The following STIM2 variants were observed in gnomAD, a reference collection of about 807,000 sequenced individuals.
STIM2 encodes stromal interaction molecule 2.
In STIM2, 31 loss-of-function variants were observed where a neutral mutation model predicts 85.8. The ratio of observed to expected loss-of-function variants is 0.36; its 90% CI spans 0.27 to 0.49. The LOEUF (loss-of-function observed/expected upper bound fraction) is 0.49, where lower values mean the gene tolerates loss of function less well. STIM2 is among the 20% of genes least tolerant of loss of function. The pLI is 0.98. For synonymous variants in STIM2, 356 were observed against 331.1 expected (o/e 1.08, Z -0.82); for missense variants, 841 against 927.6 (o/e 0.91, Z 1.21).
At chr4:26,950,065 C>T (rs2109087870) in intron 2 of STIM2, among the ~76,000 whole-genome samples, 1 of 152,242 alleles carries the variant, frequency 6.6e-6, no homozygotes, top group East Asian at 1.9e-4. Context: ...GTGATGGATA[C>T]TAGAAATAAT....
chr4:27,021,946 T>G (rs1303880511), intron 11 of STIM2, among the ~76,000 whole-genome samples: 1 of 152,186 alleles, frequency 6.6e-6, no homozygotes, highest in Non-Finnish European at 1.5e-5. Flanking sequence ...GTCTGTTTTT[T>G]TTAAAAATAG....
chr4:26,907,086 G>A (rs899369613), intron 1 of STIM2, among the ~76,000 whole-genome samples: 1 of 152,096 alleles, frequency 6.6e-6, no homozygotes, highest in South Asian at 2.1e-4. Context: ...GTAAGTGCGG[G>A]TATCTTCCTA....
chr4:26,975,752 C>A (rs547184380), intron 3 of STIM2, among the ~76,000 whole-genome samples: 40 of 152,342 alleles, frequency 2.6e-4, no homozygotes, highest in Non-Finnish European at 2.8e-4. Flanking sequence ...AGAGCTCAGA[C>A]GCTGTGCTGG....
chr4:26,979,839 T>C (rs1275094037), intron 3 of STIM2, among the ~76,000 whole-genome samples: 2 of 152,236 alleles, frequency 1.3e-5, no homozygotes, highest in East Asian at 3.8e-4. Flanking sequence ...TATTGTGCTG[T>C]CTTCATTTTC....
intron 3 of STIM2, among the ~76,000 whole-genome samples, chr4:26,977,978 A>G (rs1560227519): frequency 6.6e-6 from 1 of 152,210 alleles, no homozygotes; most frequent in Non-Finnish European, 1.5e-5. Context: ...CATGTTCCAG[A>G]AATCTGAATA....
At chr4:26,916,068 C>G (rs984370664) in intron 1 of STIM2, among the ~76,000 whole-genome samples, 1 of 152,032 alleles carries the variant, frequency 6.6e-6, no homozygotes, top group Non-Finnish European at 1.5e-5. Flanking sequence ...AGGCACAGAC[C>G]TTTTTTAGCA....
intron 4 of STIM2, 27 bp from the exon 5 acceptor site, chr4:26,999,205 A>ATG (rs750990234): frequency 7.6e-6 from 8 of 1,052,992 alleles, no homozygotes; most frequent in East Asian, 2.7e-5. Context: ...ATATATATAT[A>ATG]TGTGTGTGTG....
chr4:26,880,643 G>GTAAATATATATA (rs1405360128), intron 1 of STIM2, among the ~76,000 whole-genome samples: 40 of 144,888 alleles, frequency 2.8e-4, no homozygotes, highest in Non-Finnish European at 1.1e-4. Context: ...AAATATATAT[G>GTAAATATATATA]TAAATATATA....
At chr4:26,973,687 T>A (rs1054321207) in intron 3 of STIM2, among the ~76,000 whole-genome samples, 1 of 152,302 alleles carries the variant, frequency 6.6e-6, no homozygotes, top group Non-Finnish European at 1.5e-5. Flanking sequence ...ATAAGTGCGA[T>A]GTGGTGCTGA....
chr4:26,974,675 T>C (rs2109107720), intron 3 of STIM2, among the ~76,000 whole-genome samples: 1 of 152,338 alleles, frequency 6.6e-6, no homozygotes, highest in Admixed American at 6.5e-5. Flanking sequence ...TAACATTTTT[T>C]CCTTCATTTC....
rs572161841 is a variant in STIM2 at position 26,861,414 on chromosome 4, G to GACCTCT, written c.151+45_151+46insACCTCT. 7.9e-3 allele frequency: 10,080 copies of GACCTCT among 1,281,934 alleles called. 82 individuals carry two copies. The highest frequency in any genetic ancestry group is 0.037 in the East Asian group (1,163 of 31,250). 79.4% of individuals were successfully genotyped at this position (1,281,934 alleles called of 1,614,324 possible). A position where few individuals can be genotyped will look rare whatever the true frequency, so the allele number is the denominator to read the frequency against. On this transcript the variant is annotated intron_variant, in intron 1 of 11. Transcript: ENST00000467087. ...CGGGCGGGGCTCGGCCGGCAGCGATGGGACCCCCAACCCGTGCAGAGGTCA... is the reference window on the plus strand; with the variant it reads ...CGGGCGGGGCTCGGCCGGCAGCGATGACCTCTGGACCCCCAACCCGTGCAGAGGTCA...
intron 9 of STIM2, 46 bp downstream of exon 9, chr4:27,008,574 T>G: frequency 7.4e-7 from 1 of 1,355,206 alleles, no homozygotes; most frequent in Non-Finnish European, 1.0e-6. Flanking sequence ...TTTATTGTGT[T>G]AAAATGAGTA....
At chr4:26,974,931 C>T (rs886555149) in intron 3 of STIM2, among the ~76,000 whole-genome samples, 1 of 152,032 alleles carries the variant, frequency 6.6e-6, no homozygotes, top group South Asian at 2.1e-4. Flanking sequence ...AGGCTTTGTT[C>T]GTTTCTTTTT....
At position 26,882,457 on chromosome 4, in the gene STIM2, T is replaced by TTTC. The variant is rs1560193288; in HGVS notation, c.151+21090_151+21091insCTT. On this transcript the variant is annotated intron_variant, in intron 1 of 11. Transcript: ENST00000467087. ...CTTAAATTTCTTTCTTTCTTTCTTTTTTTTTGTTTTTGTTTTTTGAGACAG... is the reference window on the plus strand; with the variant it reads ...CTTAAATTTCTTTCTTTCTTTCTTTTTTCTTTTTGTTTTTGTTTTTTGAGACAG... Among the ~76,000 whole-genome samples the TTTC allele has an allele frequency of 1.5e-4, 10 of 64,624 alleles. No individual in the cohort carries two copies. The East Asian group carries it at 3.7e-3, about 24-fold the overall frequency. The allele number at this position is 64,624 out of a possible 152,430, so 42.4% of individuals were successfully genotyped here.
chr4:26,883,809 T>TA (rs1201366475), intron 1 of STIM2, among the ~76,000 whole-genome samples: 10 of 152,336 alleles, frequency 6.6e-5, no homozygotes, highest in African/African-American at 2.4e-4. Context: ...TGTACAGTGT[T>TA]AGAGTGTGTA....
rs748494694 is a variant in STIM2, at chr4:27,017,748, C to T, written c.1527C>T (p.Ser509=). 2.9e-5 allele frequency: 47 copies of T among 1,614,020 alleles called. No individual in the cohort carries two copies. In the African/African-American group the frequency reaches 6.1e-4, roughly 21 times the overall value. Residue 509 remains serine, a synonymous_variant, in exon 11 of 12, where the codon AGC becomes AGT. Transcript: ENST00000467087. The stretch of plus-strand genomic sequence containing the variant: ...AACCTCCTGGATCATTAGCCAGAAG[C>T]AGCAGCCTGTGCCGTTCACGCCGCA...
chr4:26,919,068 C>T (rs534720785), intron 1 of STIM2, among the ~76,000 whole-genome samples: 1 of 150,292 alleles, frequency 6.7e-6, no homozygotes, highest in Non-Finnish European at 1.5e-5. Context: ...TTCTAGGACT[C>T]ATTTTGATTA....
intron 2 of STIM2, among the ~76,000 whole-genome samples, chr4:26,946,184 A>G (rs1226103083): frequency 1.3e-5 from 2 of 152,188 alleles, no homozygotes; most frequent in Non-Finnish European, 2.9e-5. Flanking sequence ...GATTATTGGG[A>G]ATATTAAAGT....
rs1403740350 is a variant in STIM2 at position 26,947,743 on chromosome 4, G to A, written c.283-9869G>A. On this transcript the variant is annotated intron_variant, in intron 2 of 11. Transcript: ENST00000467087. The stretch of plus-strand genomic sequence containing the variant: ...GGGCTCTGCTTTGGCACTGCCCCAC[G>A]GAAGCCACGGCCTCTTCATTCTGTT... Among the ~76,000 whole-genome samples the A allele has an allele frequency of 3.3e-5, 5 of 152,266 alleles. No individual in the cohort carries two copies. In the South Asian group the frequency reaches 8.3e-4, roughly 25 times the overall value.
Sources: gnomAD v4.1 joint callset for allele counts (sites outside exome capture counted in the v4.1 genomes callset) on GRCh38, gnomAD v4.1.1 for gene constraint, MANE v1.5 for transcripts, NCBI Gene and HGNC (gene_info 2026-07-23, HGNC 2026-07-21) for gene names.